Variants in SLC35F1 observed in about 807,000 individuals in gnomAD.
The protein encoded by SLC35F1 is solute carrier family 35 member F1, also known as chromosome 6 open reading frame 169.
SLC35F1 carries 14 observed loss-of-function variants against 48.7 expected under a neutral mutation model. That is an observed-to-expected ratio of 0.29 (90% CI 0.19 to 0.45). SLC35F1 has a LOEUF of 0.45. SLC35F1 is among the 20% of genes least tolerant of loss of function. The probability of loss-of-function intolerance (pLI) is 1.00; values close to 1 mark genes in which losing one functional copy is unlikely to be tolerated. For synonymous variants in SLC35F1, 190 were observed against 202.2 expected, an observed-to-expected ratio of 0.94 and a Z score of 0.51; for missense variants, 404 against 500.0, an observed-to-expected ratio of 0.81 and a Z score of 1.83.
At chr6:117,955,274 A>AATGAATACT (rs1243822289) in intron 1 of SLC35F1, among the ~76,000 whole-genome samples, 5 of 152,324 alleles carry the variant, frequency 3.3e-5, no homozygotes, top group African/African-American at 1.2e-4. Flanking sequence ...TACAAGCAAA[A>AATGAATACT]ATGAATACTT....
intron 1 of SLC35F1, among the ~76,000 whole-genome samples, chr6:118,097,318 A>C (rs1352769331): frequency 1.3e-5 from 2 of 152,184 alleles, no homozygotes; most frequent in Non-Finnish European, 2.9e-5. Flanking sequence ...TGTTGAGTGA[A>C]TGAATGAATG....
intron 2 of SLC35F1, among the ~76,000 whole-genome samples, chr6:118,180,630 A>G (rs1030817014): frequency 6.6e-6 from 1 of 152,156 alleles, no homozygotes; most frequent in Non-Finnish European, 1.5e-5. Flanking sequence ...TAGCGAACTG[A>G]AAGTTAGTTC....
intron 2 of SLC35F1, among the ~76,000 whole-genome samples, chr6:118,227,316 A>T (rs1775231573): frequency 6.6e-6 from 1 of 152,236 alleles, no homozygotes; most frequent in South Asian, 2.1e-4. Context: ...GTGAAGCAAG[A>T]TGGTCCTCAA....
At chr6:118,179,435 C>T (rs985130264) in intron 2 of SLC35F1, among the ~76,000 whole-genome samples, 1 of 152,110 alleles carries the variant, frequency 6.6e-6, no homozygotes, top group African/African-American at 2.4e-5. Context: ...AGTGAATTTG[C>T]CTTTCTTCTG....
chr6:117,923,668 C>CGT (rs1562238695), intron 1 of SLC35F1, among the ~76,000 whole-genome samples: 1 of 32,724 alleles, frequency 3.1e-5, no homozygotes, highest in Non-Finnish European at 5.5e-5. Context: ...TGTATATATA[C>CGT]ATATATGTAC....
intron 2 of SLC35F1, among the ~76,000 whole-genome samples, chr6:118,214,169 G>A (rs1775042895): frequency 6.6e-6 from 1 of 152,002 alleles, no homozygotes; most frequent in African/African-American, 2.4e-5. Context: ...GATACTGTCT[G>A]GTACCATAGT....
intron 1 of SLC35F1, among the ~76,000 whole-genome samples, chr6:118,049,352 A>G (rs1325821286): frequency 6.6e-6 from 1 of 152,172 alleles, no homozygotes; most frequent in Non-Finnish European, 1.5e-5. Context: ...ACAAAAGCCA[A>G]AATTGACAAA....
At chr6:118,239,249 C>T (rs549048201) in intron 3 of SLC35F1, among the ~76,000 whole-genome samples, 1 of 149,000 alleles carries the variant, frequency 6.7e-6, no homozygotes, top group East Asian at 2.0e-4. Flanking sequence ...ATACTAGATA[C>T]TAAATACATG....
At chr6:118,157,745 C>A (rs1774168109) in intron 2 of SLC35F1, among the ~76,000 whole-genome samples, 1 of 152,184 alleles carries the variant, frequency 6.6e-6, no homozygotes. Flanking sequence ...CGTTACTCTG[C>A]CTGCTTTTAT....
At chr6:118,281,274 C>T (rs1775981743) in intron 6 of SLC35F1, among the ~76,000 whole-genome samples, 1 of 149,528 alleles carries the variant, frequency 6.7e-6, no homozygotes, top group South Asian at 2.1e-4. Flanking sequence ...CCTTCAAAGC[C>T]TTATTTCTCT....
chr6:118,231,465 G>A (rs1218276211), intron 2 of SLC35F1, among the ~76,000 whole-genome samples: 1 of 152,142 alleles, frequency 6.6e-6, no homozygotes, highest in East Asian at 1.9e-4. Flanking sequence ...ATGGTCTGTT[G>A]CAGATCAGCA....
chr6:117,946,239 C>T (rs1375660247), intron 1 of SLC35F1, among the ~76,000 whole-genome samples: 1 of 152,046 alleles, frequency 6.6e-6, no homozygotes, highest in East Asian at 1.9e-4. Flanking sequence ...GGGTTTGCAC[C>T]TACTCCCAAA....
chr6:118,085,638 G>C (rs1426190865), intron 1 of SLC35F1, among the ~76,000 whole-genome samples: 1 of 151,052 alleles, frequency 6.6e-6, no homozygotes, highest in Non-Finnish European at 1.5e-5. Flanking sequence ...ACCACCACCA[G>C]ACTACAGTTT....
intron 1 of SLC35F1, among the ~76,000 whole-genome samples, chr6:117,924,396 T>C (rs1488286163): frequency 8.1e-6 from 1 of 123,488 alleles, no homozygotes; most frequent in African/African-American, 3.3e-5. Flanking sequence ...TATACACACA[T>C]AGGTACACAT....
In SLC35F1 at chr6:118,279,939, T is replaced by G. The variant is rs114478486; in HGVS notation, c.847+2393T>G. The stretch of plus-strand genomic sequence containing the variant: ...CATTTTATCAAAGTGGAAAGATGGT[T>G]GTTGTTGTTGTTTTCCTTGGGGTTA... On this transcript the variant is annotated intron_variant, in intron 6 of 7. Transcript: ENST00000360388. Among the ~76,000 whole-genome samples, 771 of 152,118 alleles carry G rather than the reference T, an allele frequency of 5.1e-3. 8 individuals carry two copies. Among genetic ancestry groups the G allele is most frequent in the African/African-American group, 0.018 (735 of 41,560 alleles).
At chr6:117,955,474 T>C (rs934029374) in intron 1 of SLC35F1, among the ~76,000 whole-genome samples, 1 of 152,214 alleles carries the variant, frequency 6.6e-6, no homozygotes, top group African/African-American at 2.4e-5. Flanking sequence ...TTGCATAAGC[T>C]AGAAGAAACT....
At chr6:117,907,932 G>C in intron 1 of SLC35F1, 33 bp downstream of exon 1, 2 of 1,298,412 alleles carry the variant, frequency 1.5e-6, no homozygotes, top group Non-Finnish European at 1.9e-6. Context: ...GGCGCGGGGG[G>C]CGGGGGCTGC....
intron 1 of SLC35F1, among the ~76,000 whole-genome samples, chr6:117,934,088 A>G (rs573037621): frequency 6.6e-6 from 1 of 152,224 alleles, no homozygotes; most frequent in Admixed American, 6.5e-5. Context: ...AAAGGGAATG[A>G]GCCGCTGAAG....
chr6:118,307,919 G>A (rs1776331427), intron 7 of SLC35F1, among the ~76,000 whole-genome samples: 1 of 152,208 alleles, frequency 6.6e-6, no homozygotes, highest in South Asian at 2.1e-4. Context: ...CCTCTGAGAA[G>A]CACAGGACTG....
Sources: allele counts gnomAD v4.1 joint callset (sites outside exome capture counted in the v4.1 genomes callset), GRCh38; gene constraint gnomAD v4.1.1; transcripts MANE v1.5; gene names NCBI Gene and HGNC (gene_info 2026-07-23, HGNC 2026-07-21).